BHMT: variants seen among roughly 807,000 people sequenced by gnomAD.
The protein encoded by BHMT is betaine--homocysteine S-methyltransferase, also known as betaine--homocysteine S-methyltransferase 1.
A neutral mutation model predicts 49.5 loss-of-function variants in BHMT; 38 were observed. That is an observed-to-expected ratio of 0.77 (90% confidence interval 0.59 to 1.01). The LOEUF is 1.01. Among genes scored for constraint, BHMT ranks in the 50% least tolerant of loss-of-function variants. The probability of loss-of-function intolerance (pLI) is 0.00; values close to 1 mark genes in which losing one functional copy is unlikely to be tolerated. For synonymous variants in BHMT, 166 were observed against 176.3 expected, an observed-to-expected ratio of 0.94 and a Z score of 0.46; for missense variants, 426 against 495.7, an observed-to-expected ratio of 0.86 and a Z score of 1.34.
chr5:79,126,036 C>T lies in BHMT; in HGVS notation c.626-10C>T, dbSNP rs1756547439. The T allele has an allele frequency of 6.3e-7, 1 of 1,590,258 alleles. No homozygotes were observed. Among genetic ancestry groups the T allele is most frequent in the African/African-American group, 1.3e-5 (1 of 74,504 alleles). On this transcript the variant is annotated splice_polypyrimidine_tract_variant and intron_variant, in intron 5 of 7. Transcript: ENST00000274353. ...CATCCCTAAGTCTATCATGTTCTTC[C>T]CACTCACAGGAGCATCCATCATTGG... is the stretch of plus-strand genomic sequence containing the variant.
rs762797454 is a variant in BHMT at position 79,119,338 on chromosome 5, G to A, written c.246G>A (p.Lys82=). 23 of 1,614,104 alleles carry A rather than the reference G, an allele frequency of 1.4e-5. No individual in the cohort carries two copies. In the South Asian group the frequency reaches 2.5e-4, roughly 18 times the overall value. ...TCACCTTCTATGCGAGTGAAGACAA[G>A]CTGGAGAACAGGGGCAACTATGTCT... is the stretch of plus-strand genomic sequence containing the variant. ...QTFTFYASED[K]LENRGNYVLE... The change falls in exon 3 of 8, where the codon AAG becomes AAA. Residue 82 remains lysine, a synonymous_variant. Coordinates refer to ENST00000274353, the MANE Select transcript of BHMT (RefSeq NM_001713.3).
rs773448556 is a variant in BHMT at position 79,127,639 on chromosome 5, A to G, written c.809-116A>G. 6.6e-5 allele frequency: 90 copies of G among 1,360,322 alleles called. 1 individual carries two copies. The Middle Eastern group carries it at 1.1e-3, about 16-fold the overall frequency. 84.3% of individuals were successfully genotyped at this position (1,360,322 alleles called of 1,614,324 possible). On this transcript the variant is annotated intron_variant, in intron 6 of 7. Transcript: ENST00000274353. ...GTAGCAAAGTTTTTTCTTAAATGTA[A>G]AAATTGAATATTGAAAACAATTCAT...
chr5:79,111,891 A>G lies in BHMT; in HGVS notation c.6A>G (p.Pro2=), dbSNP rs769311629. The change falls in exon 1 of 8, where the codon CCA becomes CCG. Residue 2 remains proline, a synonymous_variant. Coordinates refer to ENST00000274353, the MANE Select transcript of BHMT (RefSeq NM_001713.3). M[P]PVGGKKAKKG... is the part of the protein sequence containing the mutation. The stretch of plus-strand genomic sequence containing the variant: ...CCTGTCTGGACACCACGAAGATGCC[A>G]CCCGTTGGGGGCAAAAAGGCCAAGA... The G allele has an allele frequency of 9.3e-6, 15 of 1,611,862 alleles. No homozygotes were observed. The highest frequency in any genetic ancestry group is 1.2e-5 in the Non-Finnish European group (14 of 1,178,994).
In BHMT at chr5:79,115,787, T is replaced by C; in HGVS notation, c.54T>C (p.Asn18=). The C allele has an allele frequency of 6.2e-7, 1 of 1,613,416 alleles. No homozygotes were observed. Among genetic ancestry groups the C allele is most frequent in the Non-Finnish European group, 8.5e-7 (1 of 1,179,632 alleles). Residue 18 remains asparagine, a synonymous_variant, in exon 2 of 8, where the codon AAT becomes AAC. Coordinates refer to ENST00000274353, the MANE Select transcript of BHMT (RefSeq NM_001713.3). ...TTTAGGGCATCCTAGAACGTTTAAA[T>C]GCTGGAGAGATTGTGATTGGAGATG... ...KAKKGILERL[N]AGEIVIGDGG... is the part of the protein sequence containing the mutation.
intron 5 of BHMT, 75 bp downstream of exon 5, chr5:79,121,440 C>A: frequency 6.5e-7 from 1 of 1,546,834 alleles, no homozygotes; most frequent in South Asian, 1.2e-5. Flanking sequence ...GTCTACAAAT[C>A]AGTGTATACT....
At chr5:79,129,079 G>A (rs928394196) in intron 7 of BHMT, among the ~76,000 whole-genome samples, 4 of 152,212 alleles carry the variant, frequency 2.6e-5, no homozygotes, top group South Asian at 2.1e-4. Context: ...GCGGGTGGAG[G>A]ACAGGTGCTC....
intron 7 of BHMT, among the ~76,000 whole-genome samples, chr5:79,128,881 C>T (rs1756594991): frequency 6.6e-6 from 1 of 152,150 alleles, no homozygotes; most frequent in African/African-American, 2.4e-5. Context: ...GACTCACAGT[C>T]TACTGGGTAA....
rs116762531 is a variant in BHMT at position 79,117,020 on chromosome 5, G to C, written c.166+1121G>C. 5.0e-3 allele frequency among the ~76,000 whole-genome samples: 759 copies of C among 152,324 alleles called. 8 individuals carry two copies. Among genetic ancestry groups the C allele is most frequent in the African/African-American group, 0.017 (710 of 41,552 alleles). Reference sequence around the variant, plus strand: ...GAATTCAGGTTATCGGGGTCTGGAAGAGTTTGAGGAATCTGCCTTTCTGAT... The same window carrying C: ...GAATTCAGGTTATCGGGGTCTGGAACAGTTTGAGGAATCTGCCTTTCTGAT... On this transcript the variant is annotated intron_variant, in intron 2 of 7. Coordinates refer to ENST00000274353, the MANE Select transcript of BHMT (RefSeq NM_001713.3).
intron 5 of BHMT, among the ~76,000 whole-genome samples, chr5:79,123,512 C>G (rs1196510302): frequency 6.7e-6 from 1 of 149,404 alleles, no homozygotes; most frequent in South Asian, 2.2e-4. Flanking sequence ...CCAAAAAAGT[C>G]CTTTTTGGTT....
In BHMT at chr5:79,115,804, T is replaced by C. The variant is rs747327020; in HGVS notation, c.71T>C (p.Ile24Thr). ...LERLNAGEIVIGDGGFVFALE... is the reference protein window; with the variant it reads ...LERLNAGEIVTGDGGFVFALE... ...CGTTTAAATGCTGGAGAGATTGTGA[T>C]TGGAGATGGAGGGTTTGTCTTTGCA... is the stretch of plus-strand genomic sequence containing the variant. The change falls in exon 2 of 8, where the codon ATT becomes ACT. Residue 24 changes from isoleucine (I) to threonine (T), a missense_variant. By Grantham distance (89) the Ile-to-Thr change is moderately conservative. Transcript: ENST00000274353. 2.9e-5 allele frequency: 46 copies of C among 1,613,498 alleles called. No homozygotes were observed. The highest frequency in any genetic ancestry group is 3.9e-5 in the Non-Finnish European group (46 of 1,179,764).
intron 1 of BHMT, 62 bp downstream of exon 1, chr5:79,111,980 C>G (rs930011553): frequency 4.7e-5 from 70 of 1,482,554 alleles, no homozygotes; most frequent in Non-Finnish European, 5.9e-5. Flanking sequence ...GTATCCCAGC[C>G]TCTGGGAGCG....
At chr5:79,128,602 G>A (rs1472185263) in intron 7 of BHMT, among the ~76,000 whole-genome samples, 1 of 151,328 alleles carries the variant, frequency 6.6e-6, no homozygotes, top group Non-Finnish European at 1.5e-5. Flanking sequence ...TTGTGCTCTA[G>A]TAAAGCACCA....
intron 7 of BHMT, among the ~76,000 whole-genome samples, chr5:79,129,913 C>G (rs1216070229): frequency 6.6e-6 from 1 of 152,180 alleles, no homozygotes; most frequent in African/African-American, 2.4e-5. Flanking sequence ...AATCCCAGCA[C>G]TTTGGGAAGC....
rs75295396 is a variant in BHMT, at chr5:79,122,954, T to C, written c.625+1589T>C. On this transcript the variant is annotated intron_variant, in intron 5 of 7. Coordinates refer to ENST00000274353, the MANE Select transcript of BHMT (RefSeq NM_001713.3). Reference sequence around the variant, plus strand: ...GGGAAGAAAAGATGAATCAGTGCAATCTTGGAACACTCCAGTTGAGAGTTT... The same window carrying C: ...GGGAAGAAAAGATGAATCAGTGCAACCTTGGAACACTCCAGTTGAGAGTTT... Among the ~76,000 whole-genome samples, 835 of 152,242 alleles carry C rather than the reference T, an allele frequency of 5.5e-3. 5 individuals are homozygous for C. The highest frequency in any genetic ancestry group is 0.019 in the African/African-American group (783 of 41,546).
intron 6 of BHMT, 137 bp from the exon 7 acceptor site, chr5:79,127,618 C>T (rs948384220): frequency 9.7e-6 from 12 of 1,243,446 alleles, no homozygotes; most frequent in Non-Finnish European, 1.2e-5. Context: ...CACAAAGTAG[C>T]AAAGTTTTTT....
At chr5:79,119,009 A>G (rs1247091412) in intron 2 of BHMT, among the ~76,000 whole-genome samples, 1 of 152,224 alleles carries the variant, frequency 6.6e-6, no homozygotes. Flanking sequence ...GATAAACAAA[A>G]TAAACAATGA....
At position 79,131,733 on chromosome 5, in the gene BHMT, A is replaced by G. The variant is rs557172342; in HGVS notation, c.*617A>G. 1.3e-5 allele frequency: 2 copies of G among 152,336 alleles called. No individual in the cohort carries two copies. The highest frequency in any genetic ancestry group is 2.9e-5 in the Non-Finnish European group (2 of 68,038). The allele number at this position is 152,336 out of a possible 1,614,324, so 9.4% of individuals were successfully genotyped here. On this transcript the variant is annotated 3_prime_UTR_variant, in exon 8 of 8. Coordinates refer to ENST00000274353, the MANE Select transcript of BHMT (RefSeq NM_001713.3). ...CTACTGGGTTTGGATCCACAGTTTG[A>G]AAAATATTGCTACAAGACACTTAAG...
At chr5:79,130,888 A>G in intron 7 of BHMT, 45 bp from the exon 8 acceptor site, 1 of 1,479,510 alleles carries the variant, frequency 6.8e-7, no homozygotes, top group African/African-American at 1.4e-5. Context: ...GACCAAAGCT[A>G]GGGGAGGAGT....
rs1580275123 is a variant in BHMT, at chr5:79,127,849, A to G, written c.903A>G (p.Gly301=). ...LGVRYIGGCC[G]FEPYHIRAIA... ...TCAGGTACATTGGCGGGTGCTGTGG[A>G]TTTGAGCCCTACCACATCAGGGCAA... Residue 301 remains glycine, a synonymous_variant, in exon 7 of 8, where the codon GGA becomes GGG. Transcript: ENST00000274353. The G allele has an allele frequency of 6.2e-7, 1 of 1,613,942 alleles. No homozygotes were observed. The highest frequency in any genetic ancestry group is 8.5e-7 in the Non-Finnish European group (1 of 1,179,982).
Sources: gnomAD v4.1 joint callset for allele counts (sites outside exome capture counted in the v4.1 genomes callset) on GRCh38, gnomAD v4.1.1 for gene constraint, MANE v1.5 for transcripts, NCBI Gene and HGNC (gene_info 2026-07-23, HGNC 2026-07-21) for gene names.